Variants in SAE1 observed in about 807,000 individuals in gnomAD.
SAE1 encodes SUMO-activating enzyme subunit 1.
A neutral mutation model predicts 40.6 loss-of-function variants in SAE1; 11 were observed. The observed-to-expected ratio is 0.27, with a 90% CI of 0.17 to 0.45. SAE1 has a LOEUF of 0.45. SAE1 is among the 20% of genes least tolerant of loss of function. The pLI is 1.00. For synonymous variants in SAE1, 155 were observed against 154.3 expected (o/e 1.00, Z -0.03); for missense variants, 373 against 427.3 (o/e 0.87, Z 1.12).
chr19:47,168,785 A>T (rs1423884271), intron 5 of SAE1, among the ~76,000 whole-genome samples: 2 of 152,012 alleles, frequency 1.3e-5, no homozygotes. Flanking sequence ...TGTATTTTTA[A>T]TAGAGACGGG....
intron 6 of SAE1, among the ~76,000 whole-genome samples, chr19:47,174,090 C>G (rs1198561858): frequency 6.6e-6 from 1 of 151,900 alleles, no homozygotes; most frequent in Non-Finnish European, 1.5e-5. Context: ...AGCCTGTTTA[C>G]CCTTAATTCC....
intron 7 of SAE1, among the ~76,000 whole-genome samples, chr19:47,198,068 T>C (rs187178694): frequency 2.6e-5 from 4 of 152,264 alleles, no homozygotes; most frequent in African/African-American, 9.6e-5. Context: ...GCTTAGGATT[T>C]GATTGGAGAA....
intron 2 of SAE1, among the ~76,000 whole-genome samples, chr19:47,149,980 C>A (rs1440749237): frequency 6.8e-6 from 1 of 147,776 alleles, no homozygotes; most frequent in Non-Finnish European, 1.5e-5. Flanking sequence ...GAGGCTGAGG[C>A]AGGAGGAGAA....
At chr19:47,179,480 C>G (rs2058492542) in intron 6 of SAE1, among the ~76,000 whole-genome samples, 1 of 151,274 alleles carries the variant, frequency 6.6e-6, no homozygotes, top group South Asian at 2.1e-4. Context: ...GCACTCCAGC[C>G]TGGGTGACAG....
chr19:47,207,639 C>A (rs1050366459), intron 8 of SAE1, among the ~76,000 whole-genome samples: 2 of 152,110 alleles, frequency 1.3e-5, no homozygotes. Context: ...CACGTGCTCA[C>A]TCTCCTTCCC....
At chr19:47,167,433 A>C (rs993466931) in intron 5 of SAE1, among the ~76,000 whole-genome samples, 1 of 147,454 alleles carries the variant, frequency 6.8e-6, no homozygotes, top group African/African-American at 2.5e-5. Context: ...GTAGAGACGG[A>C]GTTTCGCCAT....
At chr19:47,200,212 T>C (rs1055355206) in intron 7 of SAE1, among the ~76,000 whole-genome samples, 1 of 149,850 alleles carries the variant, frequency 6.7e-6, no homozygotes, top group African/African-American at 2.4e-5. Flanking sequence ...GGATTACAAG[T>C]GTGAGCCACC....
At chr19:47,131,726 AGTCT>A (rs1654094400) in intron 1 of SAE1, among the ~76,000 whole-genome samples, 1 of 101,580 alleles carries the variant, frequency 9.8e-6, no homozygotes, top group Non-Finnish European at 1.9e-5. Context: ...TTTTTGAGAT[AGTCT>A]CTCTCTGTCG....
chr19:47,192,282 G>A (rs956222338), intron 6 of SAE1, among the ~76,000 whole-genome samples: 4 of 151,672 alleles, frequency 2.6e-5, no homozygotes, highest in East Asian at 2.0e-4. Flanking sequence ...ACAGAGTCTC[G>A]CTCTGTCACC....
intron 6 of SAE1, among the ~76,000 whole-genome samples, chr19:47,178,594 C>T (rs1417501641): frequency 6.6e-6 from 1 of 152,184 alleles, no homozygotes; most frequent in Admixed American, 6.5e-5. Flanking sequence ...CTGCCTCAGC[C>T]TCCAAGTAGT....
chr19:47,170,297 C>T (rs1436311020), intron 6 of SAE1, among the ~76,000 whole-genome samples: 1 of 151,618 alleles, frequency 6.6e-6, no homozygotes, highest in Non-Finnish European at 1.5e-5. Flanking sequence ...TCACTGCAAC[C>T]TCCACCTCCT....
intron 1 of SAE1, among the ~76,000 whole-genome samples, chr19:47,136,973 G>T (rs973494619): frequency 6.6e-6 from 1 of 152,166 alleles, no homozygotes; most frequent in African/African-American, 2.4e-5. Flanking sequence ...TGAAACAGAA[G>T]CCCTGGAAAT....
intron 6 of SAE1, among the ~76,000 whole-genome samples, chr19:47,173,948 C>A (rs937536571): frequency 1.3e-5 from 2 of 152,004 alleles, no homozygotes; most frequent in African/African-American, 2.4e-5. Context: ...CTATGCCTGG[C>A]TAATTTTTTG....
At chr19:47,181,780 CTTTTTTTTTTTTT>C (rs36107839) in intron 6 of SAE1, among the ~76,000 whole-genome samples, 5 of 96,548 alleles carry the variant, frequency 5.2e-5, no homozygotes, top group African/African-American at 2.1e-4. Context: ...CACCTGGCCT[CTTTTTTTTTTTTT>C]TTTTTTTTAA....
intron 6 of SAE1, among the ~76,000 whole-genome samples, chr19:47,172,119 A>T (rs1321401483): frequency 1.3e-5 from 2 of 152,092 alleles, no homozygotes; most frequent in African/African-American, 4.8e-5. Flanking sequence ...GGGTTTCACC[A>T]TGTTGGCCAG....
rs139730625 is a variant in SAE1, at chr19:47,191,727, C to T, written c.734-5506C>T. On this transcript the variant is annotated intron_variant, in intron 6 of 8. Coordinates refer to ENST00000270225, the MANE Select transcript of SAE1 (RefSeq NM_005500.3). ...AGGTGATTTTTTTTTTCAGCTGTTA[C>T]CACAAAGCTTTTCATCTTTTGGTTT... Among the ~76,000 whole-genome samples the T allele has an allele frequency of 9.4e-4, 143 of 152,010 alleles. 1 individual carries two copies. Among genetic ancestry groups the T allele is most frequent in the Non-Finnish European group, 1.8e-3 (123 of 67,964 alleles).
intron 6 of SAE1, among the ~76,000 whole-genome samples, chr19:47,177,789 G>A (rs2058479215): frequency 6.6e-6 from 1 of 152,178 alleles, no homozygotes; most frequent in East Asian, 1.9e-4. Context: ...ACAGAGGAGG[G>A]GAGATCTGAG....
intron 6 of SAE1, among the ~76,000 whole-genome samples, chr19:47,192,028 T>C (rs1314612483): frequency 6.8e-6 from 1 of 146,584 alleles, no homozygotes; most frequent in Non-Finnish European, 1.5e-5. Flanking sequence ...CACTCCAGCC[T>C]GGGCAACAGA....
At chr19:47,208,890 C>G (rs2058699006) in intron 8 of SAE1, among the ~76,000 whole-genome samples, 1 of 152,134 alleles carries the variant, frequency 6.6e-6, no homozygotes, top group Non-Finnish European at 1.5e-5. Flanking sequence ...ATAGTTTAAC[C>G]CAGGCAAATA....
Sources: gnomAD v4.1 joint callset for allele counts (sites outside exome capture counted in the v4.1 genomes callset) on GRCh38, gnomAD v4.1.1 for gene constraint, MANE v1.5 for transcripts, NCBI Gene and HGNC (gene_info 2026-07-23, HGNC 2026-07-21) for gene names.